Variants in GPR158 observed in about 807,000 individuals in gnomAD.
GPR158 encodes metabotropic glycine receptor.
In GPR158, 30 loss-of-function variants were observed where a neutral mutation model predicts 78.2. The ratio of observed to expected loss-of-function variants is 0.38; its 90% CI spans 0.29 to 0.52. The LOEUF (loss-of-function observed/expected upper bound fraction) is 0.52. GPR158 is among the 20% of genes least tolerant of loss of function. GPR158 has a pLI of 0.83. For missense variants in GPR158, 1,463 were observed against 1,523.5 expected, an observed-to-expected ratio of 0.96 and a Z score of 0.66; for synonymous variants, 581 against 591.1, an observed-to-expected ratio of 0.98 and a Z score of 0.25.
At chr10:25,464,234 G>A (rs930286459) in intron 4 of GPR158, among the ~76,000 whole-genome samples, 1 of 152,156 alleles carries the variant, frequency 6.6e-6, no homozygotes, top group Non-Finnish European at 1.5e-5. Context: ...CTACTGTTAT[G>A]TGGTGGTGAT....
chr10:25,376,100 A>G (rs1212780691), intron 2 of GPR158, among the ~76,000 whole-genome samples: 1 of 151,602 alleles, frequency 6.6e-6, no homozygotes, highest in African/African-American at 2.4e-5. Flanking sequence ...ATACACTATT[A>G]GATTTATACC....
At chr10:25,553,734 C>T (rs989265883) in intron 6 of GPR158, among the ~76,000 whole-genome samples, 4 of 151,906 alleles carry the variant, frequency 2.6e-5, no homozygotes, top group African/African-American at 9.7e-5. Context: ...AACATATGGC[C>T]CTGAAGGAGG....
At chr10:25,370,250 T>C (rs1339791584) in intron 2 of GPR158, among the ~76,000 whole-genome samples, 1 of 146,930 alleles carries the variant, frequency 6.8e-6, no homozygotes, top group Admixed American at 6.8e-5. Context: ...GTTCTTTTAA[T>C]TGTGATGTTA....
intron 7 of GPR158, among the ~76,000 whole-genome samples, chr10:25,574,484 G>A (rs1027605359): frequency 6.6e-6 from 1 of 152,152 alleles, no homozygotes; most frequent in Admixed American, 6.5e-5. Flanking sequence ...TTAGTAAAAG[G>A]ATAAGCAGTT....
At chr10:25,257,333 C>A (rs1378844127) in intron 2 of GPR158, among the ~76,000 whole-genome samples, 1 of 152,190 alleles carries the variant, frequency 6.6e-6, no homozygotes, top group Admixed American at 6.5e-5. Context: ...ATAGCAGTTA[C>A]ATTTCCAACA....
At chr10:25,196,886 C>T (rs768843680) in intron 1 of GPR158, among the ~76,000 whole-genome samples, 1 of 152,192 alleles carries the variant, frequency 6.6e-6, no homozygotes, top group Admixed American at 6.5e-5. Flanking sequence ...TTAGTTTCCA[C>T]TCACACTCCT....
chr10:25,276,963 T>C (rs536776601), intron 2 of GPR158, among the ~76,000 whole-genome samples: 3 of 150,952 alleles, frequency 2.0e-5, no homozygotes, highest in Non-Finnish European at 4.4e-5. Context: ...TTTTTTTTTT[T>C]ATAATAGACA....
chr10:25,224,223 C>A (rs531333897), intron 2 of GPR158, among the ~76,000 whole-genome samples: 9 of 151,920 alleles, frequency 5.9e-5, no homozygotes, highest in Middle Eastern at 3.2e-3. Flanking sequence ...AAAATTAATT[C>A]ATATTAATTT....
chr10:25,362,240 C>G (rs1406930655), intron 2 of GPR158, among the ~76,000 whole-genome samples: 1 of 151,928 alleles, frequency 6.6e-6, no homozygotes, highest in Non-Finnish European at 1.5e-5. Flanking sequence ...GTGGTCTTGG[C>G]ATTCTTGTGG....
chr10:25,539,615 C>A (rs1166890575), intron 5 of GPR158, among the ~76,000 whole-genome samples: 11 of 150,230 alleles, frequency 7.3e-5, no homozygotes, highest in Non-Finnish European at 1.3e-4. Context: ...GCCACATTAA[C>A]CCCCAAATCT....
intron 7 of GPR158, 130 bp from the exon 8 acceptor site, chr10:25,588,877 A>G (rs1837304013): frequency 1.0e-5 from 5 of 480,778 alleles, no homozygotes; most frequent in Non-Finnish European, 1.8e-5. Flanking sequence ...TTGTATTTGT[A>G]TGTGAATAAG....
chr10:25,441,766 G>A (rs978594526), intron 4 of GPR158, among the ~76,000 whole-genome samples: 2 of 152,092 alleles, frequency 1.3e-5, no homozygotes, highest in African/African-American at 4.8e-5. Context: ...GCTCAACTGA[G>A]TACCAGAAAT....
chr10:25,411,792 G>A (rs759468021), intron 3 of GPR158, among the ~76,000 whole-genome samples: 3 of 151,612 alleles, frequency 2.0e-5, no homozygotes, highest in Non-Finnish European at 4.4e-5. Context: ...AAAATTAGCC[G>A]GGCGTGGTGG....
intron 2 of GPR158, among the ~76,000 whole-genome samples, chr10:25,384,687 C>A (rs1446346914): frequency 1.1e-5 from 1 of 90,938 alleles, no homozygotes; most frequent in Non-Finnish European, 2.4e-5. Flanking sequence ...TTTTTCGGCA[C>A]AAGTATTATT....
At chr10:25,289,995 T>C (rs1459908391) in intron 2 of GPR158, among the ~76,000 whole-genome samples, 1 of 152,206 alleles carries the variant, frequency 6.6e-6, no homozygotes, top group South Asian at 2.1e-4. Flanking sequence ...GCCATGTTAG[T>C]TAACATTTTC....
rs118038312 is a variant in GPR158 at position 25,239,366 on chromosome 10, C to T, written c.1008+18209C>T. 1.2e-3 allele frequency among the ~76,000 whole-genome samples: 175 copies of T among 151,908 alleles called. 5 individuals carry two copies. In the East Asian group the frequency reaches 0.032, roughly 28 times the overall value. ...CTGTAATCCCAGCACTTTGAGAACC[C>T]GAGGCAGGCAGATCTCCTGAGAGAT... On this transcript the variant is annotated intron_variant, in intron 2 of 10. Coordinates refer to ENST00000376351, the MANE Select transcript of GPR158 (RefSeq NM_020752.3).
chr10:25,421,343 C>T (rs11014536), intron 4 of GPR158, among the ~76,000 whole-genome samples: 20,762 of 152,074 alleles, frequency 0.14, 1,800 homozygotes, highest in Non-Finnish European at 0.2. Context: ...GATGTTCCTC[C>T]TTCGTGCTTT....
intron 2 of GPR158, among the ~76,000 whole-genome samples, chr10:25,337,477 C>T (rs985982999): frequency 6.6e-6 from 1 of 152,018 alleles, no homozygotes; most frequent in African/African-American, 2.4e-5. Context: ...TCTTGCGTAG[C>T]AATAGTAGTT....
chr10:25,370,493 A>T (rs1833971723), intron 2 of GPR158, among the ~76,000 whole-genome samples: 2 of 120,198 alleles, frequency 1.7e-5, no homozygotes, highest in Admixed American at 8.0e-5. Flanking sequence ...TGAGTTTCTT[A>T]ATCTTGAGTT....
Sources: allele counts gnomAD v4.1 joint callset (sites outside exome capture counted in the v4.1 genomes callset), GRCh38; gene constraint gnomAD v4.1.1; transcripts MANE v1.5; gene names NCBI Gene and HGNC (gene_info 2026-07-23, HGNC 2026-07-21).